Variants in PDGFD observed in about 807,000 individuals in gnomAD.
The protein encoded by PDGFD is platelet-derived growth factor D.
A neutral mutation model predicts 44.7 loss-of-function variants in PDGFD; 30 were observed. The ratio of observed to expected loss-of-function variants is 0.67; its 90% CI spans 0.50 to 0.91. The LOEUF (loss-of-function observed/expected upper bound fraction) is 0.91. Ranked by LOEUF, PDGFD falls within the 40% of genes least tolerant of loss-of-function variation. PDGFD has a pLI of 0.00. For missense variants in PDGFD, 445 were observed against 457.8 expected (o/e 0.97, Z 0.25); for synonymous variants, 173 against 168.4 (o/e 1.03, Z -0.21).
intron 1 of PDGFD, among the ~76,000 whole-genome samples, chr11:104,065,763 G>A (rs191893459): frequency 2.2e-4 from 33 of 152,112 alleles, no homozygotes; most frequent in African/African-American, 3.6e-4. Flanking sequence ...CCCTTGAATC[G>A]TTTGAAAACA....
intron 1 of PDGFD, among the ~76,000 whole-genome samples, chr11:104,098,507 C>CTT (rs34351974): frequency 0.019 from 2,624 of 140,278 alleles, 70 homozygotes; most frequent in African/African-American, 0.054. Context: ...TTCTGTTTCT[C>CTT]TTTTTTTTTT....
At chr11:103,956,905 G>A (rs985803880) in intron 3 of PDGFD, among the ~76,000 whole-genome samples, 3 of 152,060 alleles carry the variant, frequency 2.0e-5, no homozygotes, top group African/African-American at 7.2e-5. Context: ...TTTTTGATGG[G>A]GTTGTTTTTT....
intron 1 of PDGFD, among the ~76,000 whole-genome samples, chr11:104,085,701 T>C (rs1861119186): frequency 6.6e-6 from 1 of 152,194 alleles, no homozygotes; most frequent in East Asian, 1.9e-4. Context: ...GGCATTGTTT[T>C]ACATTTTTGC....
intron 1 of PDGFD, among the ~76,000 whole-genome samples, chr11:104,079,616 C>T (rs1249352088): frequency 2.0e-5 from 3 of 151,952 alleles, no homozygotes; most frequent in Non-Finnish European, 2.9e-5. Context: ...CTCAAACTCC[C>T]GACCTCATTA....
At chr11:103,955,359 T>C (rs1170244196) in intron 3 of PDGFD, among the ~76,000 whole-genome samples, 2 of 152,074 alleles carry the variant, frequency 1.3e-5, no homozygotes, top group Non-Finnish European at 2.9e-5. Flanking sequence ...TACAGGGAGA[T>C]CCTTTTGAAT....
intron 1 of PDGFD, among the ~76,000 whole-genome samples, chr11:104,012,791 A>C (rs1859802751): frequency 6.6e-6 from 1 of 152,222 alleles, no homozygotes; most frequent in South Asian, 2.1e-4. Context: ...TGGGAAAATG[A>C]ACTTTTAGTA....
chr11:104,161,950 A>AGAGAGAGTGTGT (rs142168784), intron 1 of PDGFD, among the ~76,000 whole-genome samples: 211 of 149,008 alleles, frequency 1.4e-3, no homozygotes, highest in Admixed American at 3.0e-3. Context: ...AATCAAAGAG[A>AGAGAGAGTGTGT]GTGTGTGTGT....
At chr11:103,989,231 C>T (rs1205452325) in intron 3 of PDGFD, among the ~76,000 whole-genome samples, 3 of 152,174 alleles carry the variant, frequency 2.0e-5, no homozygotes. Flanking sequence ...AACACTAGTT[C>T]ATCAAAATGA....
intron 1 of PDGFD, among the ~76,000 whole-genome samples, chr11:104,007,039 A>T (rs1407848090): frequency 6.6e-6 from 1 of 152,112 alleles, no homozygotes; most frequent in Admixed American, 6.5e-5. Context: ...CCACTCCTGG[A>T]TGTTGCTATG....
At chr11:103,997,178 C>T (rs962066922) in intron 2 of PDGFD, among the ~76,000 whole-genome samples, 10 of 152,244 alleles carry the variant, frequency 6.6e-5, no homozygotes, top group East Asian at 1.9e-4. Flanking sequence ...ATCAGTATCT[C>T]GCTCCTACAA....
chr11:104,052,283 G>A (rs1230278545), intron 1 of PDGFD, among the ~76,000 whole-genome samples: 2 of 152,076 alleles, frequency 1.3e-5, no homozygotes, highest in South Asian at 4.1e-4. Context: ...AGTTCTGAGT[G>A]AAAACAATAA....
At chr11:104,007,853 G>A (rs1859728051) in intron 1 of PDGFD, among the ~76,000 whole-genome samples, 3 of 151,980 alleles carry the variant, frequency 2.0e-5, no homozygotes, top group African/African-American at 7.2e-5. Flanking sequence ...CTAAATTTGT[G>A]TGGGATGCAG....
intron 3 of PDGFD, among the ~76,000 whole-genome samples, chr11:103,967,080 A>G (rs1320819982): frequency 1.3e-5 from 2 of 152,214 alleles, no homozygotes; most frequent in African/African-American, 4.8e-5. Flanking sequence ...AAGCTATGAA[A>G]GGGATGCCAC....
At chr11:103,979,524 C>T (rs935590756) in intron 3 of PDGFD, among the ~76,000 whole-genome samples, 2 of 152,040 alleles carry the variant, frequency 1.3e-5, no homozygotes, top group East Asian at 1.9e-4. Context: ...CTAGGTCTTT[C>T]GTTGGGACCT....
intron 1 of PDGFD, among the ~76,000 whole-genome samples, chr11:104,136,195 A>G (rs1166432500): frequency 6.6e-6 from 1 of 152,220 alleles, no homozygotes; most frequent in Non-Finnish European, 1.5e-5. Flanking sequence ...TATTGTGTCT[A>G]TGACTTAATC....
chr11:104,122,831 T>A (rs1356390390), intron 1 of PDGFD, among the ~76,000 whole-genome samples: 1 of 151,986 alleles, frequency 6.6e-6, no homozygotes, highest in Non-Finnish European at 1.5e-5. Flanking sequence ...CTTGTGTTGA[T>A]CCTGATGACT....
rs1220710448 is a variant in PDGFD at position 103,938,788 on chromosome 11, T to C, written c.772+4664A>G. On this transcript the variant is annotated intron_variant, in intron 5 of 6. Transcript: ENST00000393158. ...TTCTACATAGGGCTAGCCAGTTTTC[T>C]CAGCACCATTTATTAAATAGGGAAT... is the stretch of plus-strand genomic sequence containing the variant. Among the ~76,000 whole-genome samples the C allele has an allele frequency of 5.9e-5, 9 of 152,272 alleles. No homozygotes were observed. In the South Asian group the frequency reaches 8.3e-4, roughly 14 times the overall value.
intron 1 of PDGFD, among the ~76,000 whole-genome samples, chr11:104,103,174 A>G (rs1454215384): frequency 6.6e-6 from 1 of 152,142 alleles, no homozygotes; most frequent in African/African-American, 2.4e-5. Flanking sequence ...GGCAATATTC[A>G]TAATTTCCAC....
chr11:104,062,152 T>G (rs142094633), intron 1 of PDGFD, among the ~76,000 whole-genome samples: 5 of 152,156 alleles, frequency 3.3e-5, no homozygotes, highest in Non-Finnish European at 5.9e-5. Context: ...CAATAGGAGA[T>G]AAAGGGTAGC....
Sources: gnomAD v4.1 joint callset for allele counts (sites outside exome capture counted in the v4.1 genomes callset) on GRCh38, gnomAD v4.1.1 for gene constraint, MANE v1.5 for transcripts, NCBI Gene and HGNC (gene_info 2026-07-23, HGNC 2026-07-21) for gene names.